The following CNTN4 variants were observed in gnomAD, a reference collection of about 807,000 sequenced individuals.
The protein encoded by CNTN4 is contactin 4, also known as contactin-4.
In CNTN4, 77 loss-of-function variants were observed where a neutral mutation model predicts 122.5. That is an observed-to-expected ratio of 0.63 (90% confidence interval 0.52 to 0.76). CNTN4 has a LOEUF of 0.76. Ranked by LOEUF, CNTN4 falls within the 30% of genes least tolerant of loss-of-function variation. CNTN4 has a pLI of 0.00. For synonymous variants in CNTN4, 512 were observed against 447.0 expected (o/e 1.15, Z -1.83); for missense variants, 1,256 against 1,259.1 (o/e 1.00, Z 0.04).
At chr3:2,672,832 A>C (rs1490996116) in intron 4 of CNTN4, among the ~76,000 whole-genome samples, 1 of 152,222 alleles carries the variant, frequency 6.6e-6, no homozygotes, top group Non-Finnish European at 1.5e-5. Context: ...GTTTAGTAAT[A>C]GTTATAAGAA....
chr3:2,845,698 C>T (rs921739476), intron 7 of CNTN4, among the ~76,000 whole-genome samples: 1 of 152,098 alleles, frequency 6.6e-6, no homozygotes, highest in African/African-American at 2.4e-5. Context: ...TCAGATCAAT[C>T]CTGGAAGTAA....
chr3:2,619,812 C>A (rs1295112464), intron 4 of CNTN4, among the ~76,000 whole-genome samples: 2 of 152,200 alleles, frequency 1.3e-5, no homozygotes, highest in African/African-American at 4.8e-5. Context: ...AGGAATGCAA[C>A]TGCTTATATC....
At chr3:2,478,857 A>G (rs541121659) in intron 3 of CNTN4, among the ~76,000 whole-genome samples, 3 of 152,254 alleles carry the variant, frequency 2.0e-5, no homozygotes, top group Admixed American at 6.5e-5. Flanking sequence ...GGTTGATTCC[A>G]TGTCCTTGCT....
At chr3:2,111,352 C>T (rs7641465) in intron 2 of CNTN4, among the ~76,000 whole-genome samples, 36,769 of 152,022 alleles carry the variant, frequency 0.24, 4,573 homozygotes, top group East Asian at 0.47. Flanking sequence ...TTAGTATTTT[C>T]AGAGAAGAAC....
In CNTN4 at chr3:2,841,030, A is replaced by G. The variant is rs78692367; in HGVS notation, c.454+21449A>G. Among the ~76,000 whole-genome samples, 467 of 152,280 alleles carry G rather than the reference A, an allele frequency of 3.1e-3. 1 individual carries two copies. Among genetic ancestry groups the G allele is most frequent in the African/African-American group, 0.01 (436 of 41,558 alleles). ...CTTTTCTCCTTCTCTATTCTGCATT[A>G]TCATATGAAATCAAAGAGTGAGGAA... On this transcript the variant is annotated intron_variant, in intron 7 of 24. Coordinates refer to ENST00000418658, the MANE Select transcript of CNTN4 (RefSeq NM_175607.3). This position sits in a 1 kb window ranked among gnomAD's most constrained non-coding sequence, Gnocchi z 4.8.
chr3:2,327,632 A>G (rs2043518061), intron 2 of CNTN4, among the ~76,000 whole-genome samples: 1 of 152,176 alleles, frequency 6.6e-6, no homozygotes, highest in South Asian at 2.1e-4. Context: ...TGCAGATCTC[A>G]TTAAGGAACA....
At chr3:2,178,150 A>G (rs1559315450) in intron 2 of CNTN4, among the ~76,000 whole-genome samples, 2 of 152,152 alleles carry the variant, frequency 1.3e-5, no homozygotes, top group East Asian at 3.9e-4. Flanking sequence ...TGTTGAAGGT[A>G]TTTGTGTAAG....
intron 2 of CNTN4, among the ~76,000 whole-genome samples, chr3:2,225,019 G>A (rs1177618329): frequency 1.3e-5 from 2 of 151,534 alleles, no homozygotes; most frequent in Non-Finnish European, 2.9e-5. Context: ...TTGCGGTGGC[G>A]GGCGCCTGTA....
intron 2 of CNTN4, among the ~76,000 whole-genome samples, chr3:2,289,603 A>G (rs1394121159): frequency 6.6e-6 from 1 of 152,164 alleles, no homozygotes; most frequent in African/African-American, 2.4e-5. Flanking sequence ...ATTACATAAG[A>G]TGGTCTTCCT....
chr3:2,243,341 G>A lies in CNTN4; in HGVS notation c.-144-95837G>A, dbSNP rs1345036771. ...TTTTCTCTCCCAAATAAGACAAGAGGTTCTGTTAGAAGTGGAACCTTAATA... is the reference window on the plus strand; with the variant it reads ...TTTTCTCTCCCAAATAAGACAAGAGATTCTGTTAGAAGTGGAACCTTAATA... On this transcript the variant is annotated intron_variant, in intron 2 of 24. Transcript: ENST00000418658. 3.3e-5 allele frequency among the ~76,000 whole-genome samples: 5 copies of A among 152,208 alleles called. No individual in the cohort carries two copies. In the South Asian group the frequency reaches 1.0e-3, roughly 32 times the overall value.
At position 3,038,934 on chromosome 3, in the gene CNTN4, C is replaced by A. The variant is rs747664982; in HGVS notation, c.2094C>A (p.Leu698=). 3.7e-6 allele frequency: 6 copies of A among 1,613,860 alleles called. No homozygotes were observed. The change falls in exon 19 of 25, where the codon CTC becomes CTA. Residue 698 remains leucine (L), a splice_region_variant and synonymous_variant. Transcript: ENST00000418658. ...PSEKRRTEEA[L]PEVTPANVSG... is the part of the protein sequence containing the mutation. ...CTTGTTTTTTGTCTCCTTGTGCAGT[C>A]CCCGAAGTCACACCAGCGAATGTCA...
rs556068747 is a variant in CNTN4, at chr3:2,867,768, C to T, written c.652+819C>T. Among the ~76,000 whole-genome samples the T allele has an allele frequency of 6.6e-5, 10 of 151,998 alleles. No individual in the cohort carries two copies. In the South Asian group the frequency reaches 1.7e-3, roughly 25 times the overall value. On this transcript the variant is annotated intron_variant, in intron 8 of 24. Coordinates refer to ENST00000418658, the MANE Select transcript of CNTN4 (RefSeq NM_175607.3). ...ATGCTGCGTCAGGTACCTACTGTATCGAGTCTACGACCATACCCCAAAAGA... is the reference window on the plus strand; with the variant it reads ...ATGCTGCGTCAGGTACCTACTGTATTGAGTCTACGACCATACCCCAAAAGA...
At chr3:2,255,502 G>C (rs140383844) in intron 2 of CNTN4, among the ~76,000 whole-genome samples, 1 of 151,932 alleles carries the variant, frequency 6.6e-6, no homozygotes, top group African/African-American at 2.4e-5. Flanking sequence ...GCACCACATC[G>C]CACTTAATTA....
intron 7 of CNTN4, among the ~76,000 whole-genome samples, chr3:2,834,898 C>CTTTTTTTTTTTTTTCTT (rs60033461): frequency 1.3e-4 from 8 of 60,464 alleles, no homozygotes; most frequent in Admixed American, 5.5e-4. Flanking sequence ...TAAAGGCAAC[C>CTTTTTTTTTTTTTTCTT]TTTTTTTTTT....
chr3:2,652,350 A>C (rs2083400719), intron 4 of CNTN4, among the ~76,000 whole-genome samples: 1 of 152,206 alleles, frequency 6.6e-6, no homozygotes, highest in Non-Finnish European at 1.5e-5. Context: ...CTAGTAATTT[A>C]TGTAGTACCA....
At chr3:2,334,189 G>A (rs556868348) in intron 2 of CNTN4, among the ~76,000 whole-genome samples, 6 of 152,172 alleles carry the variant, frequency 3.9e-5, no homozygotes, top group South Asian at 2.1e-4. Context: ...ATGGAGTCTC[G>A]CTCTGTCACC....
At chr3:2,705,955 TAAATATATA>T (rs2086705307) in intron 4 of CNTN4, among the ~76,000 whole-genome samples, 1 of 129,800 alleles carries the variant, frequency 7.7e-6, no homozygotes, top group African/African-American at 2.9e-5. Context: ...ATATAATATA[TAAATATATA>T]AAATATATAT....
At chr3:2,548,323 CTTTAA>C (rs1276230440) in intron 3 of CNTN4, among the ~76,000 whole-genome samples, 1 of 152,074 alleles carries the variant, frequency 6.6e-6, no homozygotes, top group Admixed American at 6.6e-5. Context: ...ACATTTAAGT[CTTTAA>C]TTTATCTCAA....
At position 2,900,702 on chromosome 3, in the gene CNTN4, CA is replaced by C; in HGVS notation, c.964del (p.Ile322Ter). ...GCCTATAGCTCAACCTAATTGGATTCAAAAAATAAATGATATTCACGTGGCC... is the reference window on the plus strand; with the variant it reads ...GCCTATAGCTCAACCTAATTGGATTCAAAAATAAATGATATTCACGTGGCC... ...LTFYAQPNWI[Q>X]KINDIHVAME... On this transcript the variant is annotated frameshift_variant, in exon 11 of 25. Transcript: ENST00000418658. LOFTEE classifies it high-confidence loss of function. The C allele has an allele frequency of 1.9e-6, 3 of 1,613,608 alleles. No homozygotes were observed. Among genetic ancestry groups the C allele is most frequent in the Non-Finnish European group, 2.5e-6 (3 of 1,179,688 alleles).
Sources: allele counts gnomAD v4.1 joint callset (sites outside exome capture counted in the v4.1 genomes callset), GRCh38; gene constraint gnomAD v4.1.1; non-coding constraint Gnocchi (gnomAD v3.1); transcripts MANE v1.5; gene names NCBI Gene and HGNC (gene_info 2026-07-23, HGNC 2026-07-21).